The following CLK4 variants were observed in gnomAD, a reference collection of about 807,000 sequenced individuals.
The protein encoded by CLK4 is CDC like kinase 4.
A neutral mutation model predicts 64.4 loss-of-function variants in CLK4; 37 were observed. The ratio of observed to expected loss-of-function variants is 0.57; its 90% CI spans 0.44 to 0.76. CLK4 has a LOEUF of 0.76. Among genes scored for constraint, CLK4 ranks in the 30% least tolerant of loss-of-function variants. The pLI is 0.00. For missense variants in CLK4, 457 were observed against 605.1 expected (o/e 0.76, Z 2.57); for synonymous variants, 175 against 191.6 (o/e 0.91, Z 0.72).
intron 11 of CLK4, chr5:178,604,187 G>C: frequency 3.8e-6 from 1 of 260,430 alleles, no homozygotes; most frequent in Non-Finnish European, 7.2e-6. Context: ...TAAAACTAGG[G>C]GCCCCCTGGA....
At chr5:178,626,143 G>A (rs138973819) in intron 1 of CLK4, among the ~76,000 whole-genome samples, 1 of 152,252 alleles carries the variant, frequency 6.6e-6, no homozygotes, top group East Asian at 1.9e-4. Flanking sequence ...GCTCCAAGAG[G>A]ACTGCATTTA....
At chr5:178,618,490 T>G (rs1171286093) in intron 3 of CLK4, 66 bp downstream of exon 3, 2 of 789,194 alleles carry the variant, frequency 2.5e-6, no homozygotes, top group Non-Finnish European at 3.8e-6. Context: ...AATTAGAAAC[T>G]TATCAGCTCG....
intron 5 of CLK4, among the ~76,000 whole-genome samples, chr5:178,615,335 A>C (rs1312941631): frequency 1.3e-5 from 2 of 152,270 alleles, no homozygotes; most frequent in Non-Finnish European, 2.9e-5. Flanking sequence ...AAATGTATGT[A>C]TAATGATAAA....
At chr5:178,610,272 A>G (rs1003388987) in intron 9 of CLK4, among the ~76,000 whole-genome samples, 2 of 151,846 alleles carry the variant, frequency 1.3e-5, no homozygotes, top group Non-Finnish European at 2.9e-5. Flanking sequence ...CCCGGGTGAC[A>G]GTGCAAGACT....
intron 10 of CLK4, among the ~76,000 whole-genome samples, chr5:178,606,555 G>A (rs1224192215): frequency 6.6e-6 from 1 of 152,080 alleles, no homozygotes; most frequent in African/African-American, 2.4e-5. Flanking sequence ...AACCTCAACA[G>A]TACTAGCTGG....
intron 3 of CLK4, chr5:178,618,274 T>C (rs1206545644): frequency 6.4e-6 from 1 of 156,466 alleles, no homozygotes; most frequent in East Asian, 1.8e-4. Flanking sequence ...CATAAGAATA[T>C]GTTACAAATA....
At position 178,617,126 on chromosome 5, in the gene CLK4, C is replaced by G; in HGVS notation, c.476-178G>C. 1 of 639,078 alleles carries G rather than the reference C, an allele frequency of 1.6e-6. No homozygotes were observed. The allele number at this position is 639,078 out of a possible 1,614,324, so 39.6% of individuals were successfully genotyped here. On this transcript the variant is annotated intron_variant, in intron 4 of 12. Transcript: ENST00000316308. The surrounding 1 kb of genome is among the most constrained non-coding windows in gnomAD (Gnocchi z 5.2). ...TACAAAAACAATTAGATAGAGCTAT[C>G]TTTCTTGCTCTAATCTCAAATTCCA... is the stretch of plus-strand genomic sequence containing the variant.
intron 5 of CLK4, among the ~76,000 whole-genome samples, chr5:178,614,811 T>A (rs1180534581): frequency 2.0e-5 from 3 of 152,190 alleles, no homozygotes; most frequent in African/African-American, 7.2e-5. Flanking sequence ...ACTAAAAAAA[T>A]TTTTTAATGC....
chr5:178,612,553 GAC>G lies in CLK4; in HGVS notation c.922-10_922-9del, dbSNP rs1197673867. 2 of 1,612,684 alleles carry G rather than the reference GAC, an allele frequency of 1.2e-6. No individual in the cohort carries two copies. Among genetic ancestry groups the G allele is most frequent in the Middle Eastern group, 1.6e-4 (1 of 6,070 alleles). ...TGTGCGTTCATCACGTTTCTAGAGAGACACAGTTGAGTAAACATGAAACTCAA... is the reference window on the plus strand; with the variant it reads ...TGTGCGTTCATCACGTTTCTAGAGAGACAGTTGAGTAAACATGAAACTCAA... On this transcript the variant is annotated splice_polypyrimidine_tract_variant and intron_variant, in intron 8 of 12. Transcript: ENST00000316308.
At position 178,623,347 on chromosome 5, in the gene CLK4, G is replaced by T; in HGVS notation, c.70C>A (p.Arg24Ser). The change falls in exon 2 of 13, where the codon CGT becomes AGT. Residue 24 changes from arginine to serine, a missense_variant. Arg to Ser is a moderately radical substitution (Grantham distance 110, BLOSUM62 -1). Transcript: ENST00000316308. ...SRESWGHESYRGSHKRKRRSH... is the reference protein window; with the variant it reads ...SRESWGHESYSGSHKRKRRSH... ...CTCCTCTTCCGCTTGTGACTTCCAC[G>T]ATAGCTTTCATGTCCCCAGCTTTCT... The T allele has an allele frequency of 2.5e-6, 4 of 1,613,984 alleles. No homozygotes were observed. Among genetic ancestry groups the T allele is most frequent in the Non-Finnish European group, 3.4e-6 (4 of 1,179,960 alleles).
At chr5:178,604,503 G>T (rs1171652140) in intron 11 of CLK4, 1 of 151,588 alleles carries the variant, frequency 6.6e-6, no homozygotes, top group East Asian at 1.9e-4. Context: ...TAGATCAGTG[G>T]TCCTCAACCC....
At chr5:178,625,314 T>TGTA (rs1389184667) in intron 1 of CLK4, among the ~76,000 whole-genome samples, 1 of 151,496 alleles carries the variant, frequency 6.6e-6, no homozygotes, top group Non-Finnish European at 1.5e-5. Context: ...GACTCGAGCC[T>TGTA]GTAGTCCCAC....
At chr5:178,605,972 C>T (rs767012516) in intron 10 of CLK4, 6 of 152,196 alleles carry the variant, frequency 3.9e-5, no homozygotes, top group Admixed American at 3.3e-4. Flanking sequence ...AGGATTTCAC[C>T]ATGGGCCAAA....
chr5:178,622,696 G>C (rs115169506), intron 2 of CLK4: 4,189 of 152,462 alleles, frequency 0.027, 196 homozygotes, highest in African/African-American at 0.096. Context: ...CTATGCAAAA[G>C]AATAGTTCTT....
chr5:178,624,374 T>A (rs13181921), intron 1 of CLK4, among the ~76,000 whole-genome samples: 1 of 152,084 alleles, frequency 6.6e-6, no homozygotes, highest in Non-Finnish European at 1.5e-5. Flanking sequence ...CATTTTCTTA[T>A]CCAGCAGTTA....
chr5:178,619,671 G>A, intron 2 of CLK4: 1 of 678,748 alleles, frequency 1.5e-6, no homozygotes, highest in Non-Finnish European at 2.1e-6. Flanking sequence ...AAAATCTGCT[G>A]AAAGCCATGG....
intron 6 of CLK4, 42 bp downstream of exon 6, chr5:178,613,685 T>C: frequency 6.2e-7 from 1 of 1,604,988 alleles, no homozygotes; most frequent in Non-Finnish European, 8.5e-7. Context: ...AACCTGAATA[T>C]TTCATGTAAT....
At chr5:178,614,487 C>T (rs1298420304) in intron 5 of CLK4, among the ~76,000 whole-genome samples, 2 of 152,198 alleles carry the variant, frequency 1.3e-5, no homozygotes, top group African/African-American at 4.8e-5. Flanking sequence ...ACTGCGGCAT[C>T]TGTAAGAATG....
At chr5:178,626,407 C>T (rs563116134) in intron 1 of CLK4, among the ~76,000 whole-genome samples, 2 of 152,248 alleles carry the variant, frequency 1.3e-5, no homozygotes, top group Non-Finnish European at 2.9e-5. Context: ...CAAGCAGCTA[C>T]TGCCCTCAAC....
Sources: allele counts gnomAD v4.1 joint callset (sites outside exome capture counted in the v4.1 genomes callset), GRCh38; gene constraint gnomAD v4.1.1; non-coding constraint Gnocchi (gnomAD v3.1); transcripts MANE v1.5; gene names NCBI Gene and HGNC (gene_info 2026-07-23, HGNC 2026-07-21).